The following L2HGDH variants were observed in gnomAD, a reference collection of about 807,000 sequenced individuals.
L2HGDH encodes L-2-hydroxyglutarate dehydrogenase, mitochondrial.
Under a neutral mutation model 51.5 loss-of-function variants are expected in L2HGDH, and 34 were observed. The ratio of observed to expected loss-of-function variants is 0.66; its 90% confidence interval spans 0.50 to 0.88. The LOEUF (loss-of-function observed/expected upper bound fraction) is 0.88, where lower values mean the gene tolerates loss of function less well. Among genes scored for constraint, L2HGDH ranks in the 40% least tolerant of loss-of-function variants. The probability of loss-of-function intolerance (pLI) is 0.00; values close to 1 mark genes in which losing one functional copy is unlikely to be tolerated. For missense variants in L2HGDH, 558 were observed against 571.9 expected (o/e 0.98, Z 0.25); for synonymous variants, 198 against 197.9 (o/e 1.00, Z -0.01).
At chr14:50,259,778 G>A (rs1888906791) in intron 9 of L2HGDH, among the ~76,000 whole-genome samples, 1 of 151,938 alleles carries the variant, frequency 6.6e-6, no homozygotes, top group African/African-American at 2.4e-5. Flanking sequence ...AGGTTGCAGT[G>A]AGCTGAGACT....
intron 3 of L2HGDH, among the ~76,000 whole-genome samples, chr14:50,298,220 G>T (rs1255792050): frequency 6.6e-6 from 1 of 151,406 alleles, no homozygotes; most frequent in African/African-American, 2.4e-5. Flanking sequence ...CTCCAGGCTG[G>T]GTAACAGCAA....
At chr14:50,256,935 C>CTTATT (rs1272666211) in intron 9 of L2HGDH, among the ~76,000 whole-genome samples, 1 of 152,002 alleles carries the variant, frequency 6.6e-6, no homozygotes, top group Non-Finnish European at 1.5e-5. Flanking sequence ...TTTTCCATGT[C>CTTATT]TTATTTTATT....
rs773869968 is a variant in L2HGDH at position 50,302,963 on chromosome 14, T to C, written c.195A>G (p.Arg65=). Residue 65 remains arginine (R), a synonymous_variant, in exon 2 of 10, where the codon AGA becomes AGG. Transcript: ENST00000267436. ...GGGIVGLASA[R]ALILRHPSLS... The stretch of plus-strand genomic sequence containing the variant: ...GTGATGGATGTCGCAGGATGAGTGC[T>C]CTGGCAGAGGCAAGCCCCACAATTC... 1 of 1,614,064 alleles carries C rather than the reference T, an allele frequency of 6.2e-7. No homozygotes were observed. The highest frequency in any genetic ancestry group is 1.1e-5 in the South Asian group (1 of 91,086).
rs1220919307 is a variant in L2HGDH, at chr14:50,242,782, T to A, written c.*4276A>T. ...TGACTTTACGATTACAACTCAAAAA[T>A]GTTTACAAGATCTTTAGATAATAGT... is the stretch of plus-strand genomic sequence containing the variant. On this transcript the variant is annotated 3_prime_UTR_variant, in exon 10 of 10. Transcript: ENST00000267436. The A allele has an allele frequency of 1.0e-6, 1 of 985,342 alleles. No individual in the cohort carries two copies. The highest frequency in any genetic ancestry group is 1.1e-4 in the East Asian group (1 of 8,832). The allele number at this position is 985,342 out of a possible 1,614,324, so 61.0% of individuals were successfully genotyped here.
chr14:50,304,044 C>T (rs1342467397), intron 1 of L2HGDH, among the ~76,000 whole-genome samples: 1 of 152,152 alleles, frequency 6.6e-6, no homozygotes, highest in Non-Finnish European at 1.5e-5. Flanking sequence ...ATAGAATGTA[C>T]TTACACAAAC....
chr14:50,268,042 T>C (rs1889446889), intron 7 of L2HGDH, 132 bp from the exon 8 acceptor site: 1 of 898,558 alleles, frequency 1.1e-6, no homozygotes. Flanking sequence ...TACTCAGATA[T>C]ACTTTTCCAT....
intron 3 of L2HGDH, among the ~76,000 whole-genome samples, chr14:50,300,253 A>G (rs2030327932): frequency 6.6e-6 from 1 of 152,150 alleles, no homozygotes; most frequent in Admixed American, 6.5e-5. Context: ...ATAAGTATGA[A>G]AGGTAATGCA....
At chr14:50,302,715 A>ACGTCCTCCTTGTCCCACACT (rs2030485450) in intron 2 of L2HGDH, among the ~76,000 whole-genome samples, 187 bp downstream of exon 2, 1 of 152,056 alleles carries the variant, frequency 6.6e-6, no homozygotes, top group African/African-American at 2.4e-5. Flanking sequence ...ACCTATAGAC[A>ACGTCCTCCTTGTCCCACACT]CGTCCTCCTT....
intron 5 of L2HGDH, among the ~76,000 whole-genome samples, chr14:50,282,122 G>A (rs568363768): frequency 6.6e-6 from 1 of 152,104 alleles, no homozygotes; most frequent in Non-Finnish European, 1.5e-5. Flanking sequence ...TTACAGGTGT[G>A]AGCCACTGCA....
At chr14:50,311,367 C>G (rs182144746) in intron 1 of L2HGDH, 91 of 456,018 alleles carry the variant, frequency 2.0e-4, no homozygotes, top group African/African-American at 1.5e-3. Context: ...TCATATGGCC[C>G]ACCTTCTAGT....
chr14:50,276,641 G>A (rs189214369), intron 6 of L2HGDH, among the ~76,000 whole-genome samples: 5 of 152,200 alleles, frequency 3.3e-5, no homozygotes, highest in Non-Finnish European at 7.4e-5. Flanking sequence ...TCTCTTTTCC[G>A]GCACACACAG....
At chr14:50,304,113 C>T (rs890576261) in intron 1 of L2HGDH, among the ~76,000 whole-genome samples, 1 of 152,216 alleles carries the variant, frequency 6.6e-6, no homozygotes, top group Non-Finnish European at 1.5e-5. Flanking sequence ...TGCTCCTAGG[C>T]TACAAGCCTG....
intron 9 of L2HGDH, among the ~76,000 whole-genome samples, chr14:50,256,787 G>A (rs1888691554): frequency 6.6e-6 from 1 of 151,852 alleles, no homozygotes; most frequent in Non-Finnish European, 1.5e-5. Flanking sequence ...TATTTACTCA[G>A]ATGGGATGCA....
At chr14:50,256,348 C>CCAG (rs150795240) in intron 9 of L2HGDH, among the ~76,000 whole-genome samples, 1 of 34,286 alleles carries the variant, frequency 2.9e-5, no homozygotes, top group Non-Finnish European at 7.1e-5. Flanking sequence ...GACTCTGTCT[C>CCAG]TAAAATAATA....
Position 50,242,524 on chromosome 14 carries a change from A to G in L2HGDH, c.*4534T>C. The stretch of plus-strand genomic sequence containing the variant: ...TCAACAACAACAACAAACCCACAAT[A>G]CTTTCTAGGATTTGAGGCCAGAAAA... On this transcript the variant is annotated 3_prime_UTR_variant, in exon 10 of 10. Transcript: ENST00000267436. The G allele has an allele frequency of 1.0e-6, 1 of 983,820 alleles. No individual in the cohort carries two copies. The highest frequency in any genetic ancestry group is 1.2e-6 in the Non-Finnish European group (1 of 828,492). 60.9% of individuals were successfully genotyped at this position (983,820 alleles called of 1,614,324 possible). A position where few individuals can be genotyped will look rare whatever the true frequency, so the allele number is the denominator to read the frequency against.
chr14:50,307,108 G>C (rs989855541), intron 1 of L2HGDH, among the ~76,000 whole-genome samples: 1 of 151,858 alleles, frequency 6.6e-6, no homozygotes, highest in African/African-American at 2.4e-5. Flanking sequence ...GAGCCACTGC[G>C]CCTGGCCCCT....
At chr14:50,250,643 G>A (rs548936796) in intron 9 of L2HGDH, among the ~76,000 whole-genome samples, 4 of 152,212 alleles carry the variant, frequency 2.6e-5, no homozygotes, top group African/African-American at 9.6e-5. Flanking sequence ...AGTCCCAGTG[G>A]TGGTGGCCAC....
intron 9 of L2HGDH, among the ~76,000 whole-genome samples, chr14:50,259,256 C>A (rs1302918003): frequency 2.0e-5 from 3 of 151,840 alleles, no homozygotes; most frequent in Non-Finnish European, 4.4e-5. Context: ...GGACTATATG[C>A]ATGAGCCACA....
intron 3 of L2HGDH, among the ~76,000 whole-genome samples, chr14:50,299,318 C>A (rs1045094403): frequency 1.3e-5 from 2 of 152,062 alleles, no homozygotes; most frequent in East Asian, 1.9e-4. Flanking sequence ...GCAATAAGAT[C>A]GAAGCCATAA....
Sources: gnomAD v4.1 joint callset for allele counts (sites outside exome capture counted in the v4.1 genomes callset) on GRCh38, gnomAD v4.1.1 for gene constraint, MANE v1.5 for transcripts, NCBI Gene and HGNC (gene_info 2026-07-23, HGNC 2026-07-21) for gene names.